FILIP1L: variants seen among roughly 807,000 people sequenced by gnomAD.
FILIP1L encodes the protein filamin A interacting protein 1 like.
In FILIP1L, 55 loss-of-function variants were observed where a neutral mutation model predicts 96.6. The ratio of observed to expected loss-of-function variants is 0.57; its 90% CI spans 0.46 to 0.71. The LOEUF is 0.71. Among genes scored for constraint, FILIP1L ranks in the 30% least tolerant of loss-of-function variants. The probability of loss-of-function intolerance (pLI) is 0.00; values close to 1 mark genes in which losing one functional copy is unlikely to be tolerated. For synonymous variants in FILIP1L, 467 were observed against 473.9 expected (o/e 0.99, Z 0.19); for missense variants, 1,304 against 1,321.2 (o/e 0.99, Z 0.20).
At chr3:100,090,514 A>T (rs764717100) in intron 1 of FILIP1L, among the ~76,000 whole-genome samples, 5 of 152,214 alleles carry the variant, frequency 3.3e-5, no homozygotes, top group Non-Finnish European at 7.3e-5. Flanking sequence ...ACAGAGATGC[A>T]TGACTTGCCC....
At chr3:99,857,602 C>T (rs1364328166) in intron 4 of FILIP1L, among the ~76,000 whole-genome samples, 1 of 152,220 alleles carries the variant, frequency 6.6e-6, no homozygotes, top group African/African-American at 2.4e-5. Context: ...CACCCTAAAA[C>T]ATCAATTATG....
intron 1 of FILIP1L, among the ~76,000 whole-genome samples, chr3:100,049,765 C>G (rs951727464): frequency 2.0e-5 from 3 of 152,152 alleles, no homozygotes; most frequent in Admixed American, 6.5e-5. Flanking sequence ...TGATTGTCTT[C>G]TAACATTTTC....
chr3:100,045,934 C>T lies in FILIP1L; in HGVS notation c.-11+68119G>A, dbSNP rs151193342. On this transcript the variant is annotated intron_variant, in intron 1 of 5. Coordinates refer to ENST00000477258, the MANE Select transcript of FILIP1L (RefSeq NM_001387850.1). ...AGGTCACTGGGGAAGGGGGAGGAGG[C>T]GGAGCTGGGGTGGATGAGAGAAGGG... 4.7e-3 allele frequency among the ~76,000 whole-genome samples: 710 copies of T among 151,668 alleles called. 6 individuals carry two copies. The highest frequency in any genetic ancestry group is 0.016 in the African/African-American group (667 of 41,346).
intron 1 of FILIP1L, among the ~76,000 whole-genome samples, chr3:99,985,388 T>C (rs1709308129): frequency 6.6e-6 from 1 of 151,870 alleles, no homozygotes; most frequent in African/African-American, 2.4e-5. Flanking sequence ...AAAAATTAGC[T>C]GGGCATGGTG....
intron 1 of FILIP1L, among the ~76,000 whole-genome samples, chr3:100,083,680 A>T (rs913776653): frequency 5.3e-5 from 8 of 152,228 alleles, no homozygotes; most frequent in African/African-American, 1.9e-4. Flanking sequence ...TAGAATAATC[A>T]GTCTTAACTA....
chr3:99,840,673 A>G (rs1232195461), intron 5 of FILIP1L, among the ~76,000 whole-genome samples: 1 of 152,230 alleles, frequency 6.6e-6, no homozygotes, highest in African/African-American at 2.4e-5. Context: ...GGAATTTTAA[A>G]TGATTTAAGG....
intron 5 of FILIP1L, among the ~76,000 whole-genome samples, chr3:99,831,116 G>T (rs140249044): frequency 6.6e-6 from 1 of 152,256 alleles, no homozygotes; most frequent in Admixed American, 6.5e-5. Context: ...ATGTAGAGAG[G>T]CAGTCAAGGA....
At chr3:99,891,811 G>T (rs148320567) in intron 4 of FILIP1L, among the ~76,000 whole-genome samples, 4 of 152,246 alleles carry the variant, frequency 2.6e-5, no homozygotes, top group Admixed American at 6.5e-5. Context: ...TGATTTTTCA[G>T]TTGCCTAATT....
intron 1 of FILIP1L, among the ~76,000 whole-genome samples, chr3:99,996,275 CAT>C (rs1709677980): frequency 6.6e-6 from 1 of 152,184 alleles, no homozygotes; most frequent in Non-Finnish European, 1.5e-5. Context: ...TTTGCTAAAA[CAT>C]AACAAGAGTC....
At chr3:99,971,349 AGAG>A (rs1300902153) in intron 1 of FILIP1L, among the ~76,000 whole-genome samples, 10 of 149,414 alleles carry the variant, frequency 6.7e-5, no homozygotes, top group Non-Finnish European at 1.2e-4. Flanking sequence ...AAAAAAAAAA[AGAG>A]AATATGGGAT....
chr3:100,014,252 C>T (rs4279135), intron 1 of FILIP1L, among the ~76,000 whole-genome samples: 28,036 of 151,568 alleles, frequency 0.18, 2,934 homozygotes, highest in South Asian at 0.25. Flanking sequence ...TCAATGGACA[C>T]CTAAGTTGAT....
intron 1 of FILIP1L, among the ~76,000 whole-genome samples, chr3:99,944,958 A>G (rs1231254018): frequency 6.6e-6 from 1 of 152,208 alleles, no homozygotes; most frequent in Admixed American, 6.5e-5. Flanking sequence ...CTTCTTCACT[A>G]CTGTTCATTA....
intron 4 of FILIP1L, among the ~76,000 whole-genome samples, chr3:99,886,438 AT>A (rs1317836812): frequency 2.0e-5 from 3 of 152,062 alleles, no homozygotes; most frequent in African/African-American, 7.2e-5. Flanking sequence ...GAAAAAAAAA[AT>A]CTCATGTTTT....
At chr3:99,885,850 G>T (rs1293271815) in intron 4 of FILIP1L, among the ~76,000 whole-genome samples, 1 of 152,066 alleles carries the variant, frequency 6.6e-6, no homozygotes, top group Non-Finnish European at 1.5e-5. Context: ...AAGAAATGAA[G>T]AACAATACAG....
chr3:99,912,898 G>A (rs1706836692), intron 4 of FILIP1L, among the ~76,000 whole-genome samples: 1 of 152,140 alleles, frequency 6.6e-6, no homozygotes. Flanking sequence ...TATGGTAACT[G>A]CAATGGACTG....
At chr3:100,079,693 T>C (rs1330686634) in intron 1 of FILIP1L, among the ~76,000 whole-genome samples, 1 of 152,174 alleles carries the variant, frequency 6.6e-6, no homozygotes, top group African/African-American at 2.4e-5. Context: ...ATTATATGAA[T>C]GCCCCAAACA....
chr3:99,991,840 G>GTT (rs981431113), intron 1 of FILIP1L, among the ~76,000 whole-genome samples: 5 of 148,650 alleles, frequency 3.4e-5, no homozygotes, highest in African/African-American at 7.5e-5. Context: ...ATATATATGT[G>GTT]TGTGTGTGTG....
chr3:100,086,583 C>A (rs1234786553), intron 1 of FILIP1L, among the ~76,000 whole-genome samples: 2 of 152,102 alleles, frequency 1.3e-5, no homozygotes, highest in Non-Finnish European at 2.9e-5. Flanking sequence ...TATTTATTAC[C>A]CACCAGGCTA....
chr3:99,981,641 C>G (rs985861569), intron 1 of FILIP1L, among the ~76,000 whole-genome samples: 1 of 152,102 alleles, frequency 6.6e-6, no homozygotes, highest in Non-Finnish European at 1.5e-5. Context: ...GGAAAATTGA[C>G]AGTTTCAATA....
Sources: gnomAD v4.1 joint callset for allele counts (sites outside exome capture counted in the v4.1 genomes callset) on GRCh38, gnomAD v4.1.1 for gene constraint, MANE v1.5 for transcripts, NCBI Gene and HGNC (gene_info 2026-07-23, HGNC 2026-07-21) for gene names.